The following DMPK variants were observed in gnomAD, a reference collection of about 807,000 sequenced individuals.
DMPK encodes myotonin-protein kinase.
Under a neutral mutation model 70.3 loss-of-function variants are expected in DMPK, and 32 were observed. That is an observed-to-expected ratio of 0.46 (90% CI 0.34 to 0.61). DMPK has a LOEUF of 0.61. DMPK is among the 20% of genes least tolerant of loss of function. The pLI is 0.01. For synonymous variants in DMPK, 469 were observed against 390.9 expected, an observed-to-expected ratio of 1.20 and a Z score of -2.36; for missense variants, 899 against 886.0, an observed-to-expected ratio of 1.01 and a Z score of -0.19.
chr19:45,773,839 C>T (rs902518579), intron 9 of DMPK, among the ~76,000 whole-genome samples: 2 of 151,856 alleles, frequency 1.3e-5, no homozygotes, highest in Non-Finnish European at 2.9e-5. Context: ...GACAGGGTCT[C>T]ATTATGTTGC....
chr19:45,771,299 A>T (rs767322336), intron 13 of DMPK, 51 bp downstream of exon 13: 1 of 1,554,332 alleles, frequency 6.4e-7, no homozygotes, highest in Non-Finnish European at 8.7e-7. Flanking sequence ...CAGGGAGGGG[A>T]TCTGCAGAAT....
chr19:45,770,769 C>T, intron 14 of DMPK, 129 bp from the exon 15 acceptor site: 2 of 1,167,584 alleles, frequency 1.7e-6, no homozygotes, highest in Non-Finnish European at 2.4e-6. Context: ...CAGCCTACAG[C>T]TGTTGTTAGT....
intron 9 of DMPK, 74 bp downstream of exon 9, chr19:45,774,875 G>T: frequency 2.5e-6 from 3 of 1,184,688 alleles, no homozygotes; most frequent in Non-Finnish European, 3.8e-6. Flanking sequence ...CAACTCCATT[G>T]GCTGCCAAGG....
In DMPK at chr19:45,777,456, G is replaced by C. The variant is rs777659435; in HGVS notation, c.1017C>G (p.Phe339Leu). 2 of 1,613,482 alleles carry C rather than the reference G, an allele frequency of 1.2e-6. No homozygotes were observed. Among genetic ancestry groups the C allele is most frequent in the Non-Finnish European group, 1.7e-6 (2 of 1,180,008 alleles). Residue 339 changes from phenylalanine to leucine, a missense_variant, in exon 8 of 15, where the codon TTC becomes TTG. By Grantham distance (22) the Phe-to-Leu change is conservative (BLOSUM62 0). Around this residue, in one of 3 missense-constraint regions of DMPK, gnomAD observed 555 missense variants for 483.8 expected, o/e 1.15. Coordinates refer to ENST00000291270, the MANE Select transcript of DMPK (RefSeq NM_004409.5). The surrounding 1 kb of genome is among the most constrained non-coding windows in gnomAD (Gnocchi z 6.7). Reference protein sequence around the residue: ...GAGDFRTHPFFFGLDWDGLRD... With the variant: ...GAGDFRTHPFLFGLDWDGLRD... ...GGAGACCATCCCAGTCGAGGCCAAA[G>C]AAGAAGGGATGTGTCCGGAAGTCGC...
In DMPK at chr19:45,770,203, C is replaced by CG. The variant is rs1568569025; in HGVS notation, c.*284_*285insC. ...AAAGAAAGAAATGGTCTGTGATCCC[C>CG]CCAGCAGCAGCAGCAGCAGCAGCAG... On this transcript the variant is annotated 3_prime_UTR_variant, in exon 15 of 15. Coordinates refer to ENST00000291270, the MANE Select transcript of DMPK (RefSeq NM_004409.5). 37 of 554,248 alleles carry CG rather than the reference C, an allele frequency of 6.7e-5. 7 individuals carry two copies. Among genetic ancestry groups the CG allele is most frequent in the South Asian group, 1.5e-4 (8 of 53,446 alleles). 34.3% of individuals were successfully genotyped at this position (554,248 alleles called of 1,614,324 possible). A position where few individuals can be genotyped will look rare whatever the true frequency, so the allele number is the denominator to read the frequency against.
rs747845597 is a variant in DMPK, at chr19:45,778,539, T to G, written c.535A>C (p.Ile179Leu). Reference protein sequence around the residue: ...AEMARFYLAEIVMAIDSVHRL... With the variant: ...AEMARFYLAELVMAIDSVHRL... ...TGCACCGAGTCTATGGCCATGACAA[T>G]CTCCGCCAGGTAGAAGCGCGCCATC... The change falls in exon 5 of 15, where the codon ATT (isoleucine) becomes CTT (leucine). Residue 179 changes from isoleucine (I) to leucine (L), a missense_variant. Physicochemically the swap from Ile to Leu is conservative, Grantham distance 5. This residue lies in a region of DMPK where 195 missense variants were observed against 259.7 expected (regional missense o/e 0.75). Transcript: ENST00000291270. 1 of 1,613,828 alleles carries G rather than the reference T, an allele frequency of 6.2e-7. No homozygotes were observed. The highest frequency in any genetic ancestry group is 1.7e-4 in the Middle Eastern group (1 of 6,060).
intron 13 of DMPK, 115 bp downstream of exon 13, chr19:45,771,235 T>TA: frequency 7.1e-7 from 1 of 1,414,028 alleles, no homozygotes; most frequent in Non-Finnish European, 9.6e-7. Context: ...TTCTGCCCTC[T>TA]AAAGTCGCAA....
At chr19:45,778,357 C>A (rs1969898347) in intron 5 of DMPK, 136 bp downstream of exon 5, 1 of 1,361,224 alleles carries the variant, frequency 7.3e-7, no homozygotes, top group Non-Finnish European at 1.0e-6. Context: ...ACAGTTCTGA[C>A]CCCTACTCCC....
At chr19:45,780,659 C>T in intron 1 of DMPK, 1 of 988,814 alleles carries the variant, frequency 1.0e-6, no homozygotes, top group Non-Finnish European at 1.2e-6. Flanking sequence ...GAAGTGGAGG[C>T]AGGATGGAGA....
Position 45,770,170 on chromosome 19 carries a change from C to T in DMPK, c.*318G>A. 1 of 663,150 alleles carries T rather than the reference C, an allele frequency of 1.5e-6. No individual in the cohort carries two copies. The highest frequency in any genetic ancestry group is 2.5e-6 in the Non-Finnish European group (1 of 402,906). 41.1% of individuals were successfully genotyped at this position (663,150 alleles called of 1,614,324 possible). ...TTGCCCATCCACGTCAGGGCCTCAGCCTGGCCGAAAGAAAGAAATGGTCTG... is the reference window on the plus strand; with the variant it reads ...TTGCCCATCCACGTCAGGGCCTCAGTCTGGCCGAAAGAAAGAAATGGTCTG... On this transcript the variant is annotated 3_prime_UTR_variant, in exon 15 of 15. Transcript: ENST00000291270.
chr19:45,779,996 C>G, intron 1 of DMPK, 127 bp from the exon 2 acceptor site: 3 of 1,559,768 alleles, frequency 1.9e-6, no homozygotes, highest in Non-Finnish European at 2.6e-6. Context: ...GGACTGTCTG[C>G]TTCCCAGGGG....
chr19:45,779,798 C>T lies in DMPK; in HGVS notation c.232G>A (p.Gly78Arg). ...CTTACCTCGCTGAACGCCCCGCGTC[C>T]GATCACCTTCAGAATCTCGAAGTCG... is the stretch of plus-strand genomic sequence containing the variant. ...RDDFEILKVI[G>R]RGAFSEVAVV... Residue 78 changes from glycine (G) to arginine (R), a missense_variant, in exon 2 of 15, where the codon GGA becomes AGA. Coordinates refer to ENST00000291270, the MANE Select transcript of DMPK (RefSeq NM_004409.5). 1 of 1,568,538 alleles carries T rather than the reference C, an allele frequency of 6.4e-7. No individual in the cohort carries two copies.
intron 10 of DMPK, chr19:45,772,216 A>G (rs1056304936): frequency 6.8e-6 from 3 of 443,158 alleles, no homozygotes; most frequent in Non-Finnish European, 1.2e-5. Flanking sequence ...CAGCTCCCTA[A>G]TGCCCTCACG....
In DMPK at chr19:45,770,961, C is replaced by T; in HGVS notation, c.1737+10G>A. The T allele has an allele frequency of 7.1e-7, 1 of 1,418,412 alleles. No individual in the cohort carries two copies. Among genetic ancestry groups the T allele is most frequent in the East Asian group, 2.7e-5 (1 of 36,984 alleles). The allele number at this position is 1,418,412 out of a possible 1,614,324, so 87.9% of individuals were successfully genotyped here. A position where few individuals can be genotyped will look rare whatever the true frequency, so the allele number is the denominator to read the frequency against. On this transcript the variant is annotated intron_variant, in intron 14 of 14. Coordinates refer to ENST00000291270, the MANE Select transcript of DMPK (RefSeq NM_004409.5). ...CGACGGCGGAGGGGGGCGTGGGCAG[C>T]CGGACGTACCCTGGCAGGGAGCAGC...
At position 45,779,458 on chromosome 19, in the gene DMPK, T is replaced by C. The variant is rs747074970; in HGVS notation, c.317A>G (p.Asp106Gly). The C allele has an allele frequency of 2.0e-5, 32 of 1,613,768 alleles. No homozygotes were observed. The highest frequency in any genetic ancestry group is 2.5e-5 in the Non-Finnish European group (30 of 1,180,012). Residue 106 changes from aspartate (D) to glycine (G), a missense_variant, in exon 3 of 15, where the codon GAC becomes GGC. Physicochemically the swap from Asp to Gly is moderately conservative, Grantham distance 94. Transcript: ENST00000291270. ...VYAMKIMNKW[D>G]MLKRGEVSCF... Reference sequence around the variant, plus strand: ...CCTCACCTCGCCCCTCTTCAGCATGTCCCACTTGTTCATGATCTTCATGGC... The same window carrying C: ...CCTCACCTCGCCCCTCTTCAGCATGCCCCACTTGTTCATGATCTTCATGGC...
chr19:45,770,289 G>A lies in DMPK; in HGVS notation c.*199C>T, dbSNP rs1455992644. ...GCATTCCCGGCTACAAGGACCCTTCGAGCCCCGTTCGCCGGCCGCGGACCC... is the reference window on the plus strand; with the variant it reads ...GCATTCCCGGCTACAAGGACCCTTCAAGCCCCGTTCGCCGGCCGCGGACCC... On this transcript the variant is annotated 3_prime_UTR_variant, in exon 15 of 15. Coordinates refer to ENST00000291270, the MANE Select transcript of DMPK (RefSeq NM_004409.5). 2.3e-6 allele frequency: 2 copies of A among 867,082 alleles called. 1 individual carries two copies. Among genetic ancestry groups the A allele is most frequent in the Non-Finnish European group, 3.7e-6 (2 of 541,092 alleles). 53.7% of individuals were successfully genotyped at this position (867,082 alleles called of 1,614,324 possible).
At chr19:45,773,324 AAT>A (rs1293976890) in intron 9 of DMPK, among the ~76,000 whole-genome samples, 1 of 152,180 alleles carries the variant, frequency 6.6e-6, no homozygotes, top group Non-Finnish European at 1.5e-5. Context: ...CCTGGGTTCT[AAT>A]AGAGGATGGG....
At chr19:45,780,207 C>A (rs1016972779) in intron 1 of DMPK, 5 of 1,471,932 alleles carry the variant, frequency 3.4e-6, no homozygotes, top group Non-Finnish European at 4.5e-6. Context: ...AGACCCAGTT[C>A]TTCCACCTTC....
rs538740165 is a variant in DMPK at position 45,771,324 on chromosome 19, A to G, written c.1647+26T>C. On this transcript the variant is annotated intron_variant, in intron 13 of 14. Transcript: ENST00000291270. The stretch of plus-strand genomic sequence containing the variant: ...ATCTGCAGAATGGGCAGCAGGTCTG[A>G]GGCAGGGGAAAGAGAGGGGTCTTAC... 3 of 1,580,140 alleles carry G rather than the reference A, an allele frequency of 1.9e-6. No individual in the cohort carries two copies. In the South Asian group the frequency reaches 3.5e-5, roughly 18 times the overall value.
Sources: gnomAD v4.1 joint callset for allele counts (sites outside exome capture counted in the v4.1 genomes callset) on GRCh38, gnomAD v4.1.1 for gene constraint, gnomAD v4.1.1 regional missense constraint, Gnocchi (gnomAD v3.1) non-coding constraint, MANE v1.5 for transcripts, NCBI Gene and HGNC (gene_info 2026-07-23, HGNC 2026-07-21) for gene names.